TNNT2: variants seen among roughly 807,000 people sequenced by gnomAD.
TNNT2 encodes the protein troponin T2, cardiac type.
A neutral mutation model predicts 62.4 loss-of-function variants in TNNT2; 34 were observed. The observed-to-expected ratio is 0.54, with a 90% CI of 0.41 to 0.72. The LOEUF is 0.72. Ranked by LOEUF, TNNT2 falls within the 30% of genes least tolerant of loss-of-function variation. The pLI is 0.00. For missense variants in TNNT2, 275 were observed against 381.9 expected, an observed-to-expected ratio of 0.72 and a Z score of 2.33; for synonymous variants, 123 against 127.2, an observed-to-expected ratio of 0.97 and a Z score of 0.22.
intron 6 of TNNT2, 140 bp from the exon 7 acceptor site, chr1:201,367,946 T>A: frequency 1.8e-6 from 2 of 1,103,962 alleles, no homozygotes; most frequent in South Asian, 1.2e-5. Context: ...GAGCTGTCTC[T>A]CACACACACA....
intron 10 of TNNT2, 96 bp from the exon 11 acceptor site, chr1:201,364,471 G>A (rs1659307074): frequency 1.5e-6 from 2 of 1,309,986 alleles, no homozygotes; most frequent in East Asian, 4.9e-5. Flanking sequence ...GAATTCCTGG[G>A]GGAGGGTTCC....
chr1:201,371,904 G>T, intron 4 of TNNT2, 123 bp downstream of exon 4: 2 of 1,330,710 alleles, frequency 1.5e-6, no homozygotes, highest in Non-Finnish European at 2.1e-6. Flanking sequence ...CACTGTTGTT[G>T]GAGGATCTTG....
chr1:201,369,871 G>A (rs367841210), intron 4 of TNNT2, 26 bp from the exon 5 acceptor site: 41 of 1,614,000 alleles, frequency 2.5e-5, no homozygotes, highest in Middle Eastern at 3.3e-4. Context: ...TGGCCGCAGC[G>A]GAGGGGAAAA....
At chr1:201,362,841 T>A (rs1658936641) in intron 12 of TNNT2, among the ~76,000 whole-genome samples, 1 of 152,142 alleles carries the variant, frequency 6.6e-6, no homozygotes, top group Admixed American at 6.5e-5. Flanking sequence ...ATAGACACTT[T>A]CCATGGTAGC....
At chr1:201,359,741 G>A in intron 15 of TNNT2, 78 bp from the exon 16 acceptor site, 4 of 1,279,238 alleles carry the variant, frequency 3.1e-6, no homozygotes, top group Non-Finnish European at 4.5e-6. Context: ...GGGATGGGGA[G>A]AAGGGGGCTG....
At chr1:201,362,447 A>G in intron 12 of TNNT2, 53 bp from the exon 13 acceptor site, 7 of 1,592,196 alleles carry the variant, frequency 4.4e-6, no homozygotes, top group Non-Finnish European at 6.0e-6. Context: ...CAAGACGGCA[A>G]CAGAGACACA....
intron 5 of TNNT2, among the ~76,000 whole-genome samples, chr1:201,369,023 T>C (rs1410834031): frequency 6.6e-6 from 1 of 152,150 alleles, no homozygotes; most frequent in Admixed American, 6.5e-5. Context: ...AAATGATCCT[T>C]CTAGAAAGTG....
intron 1 of TNNT2, among the ~76,000 whole-genome samples, 190 bp downstream of exon 1, chr1:201,377,433 T>C (rs1168566676): frequency 1.3e-5 from 2 of 152,168 alleles, no homozygotes; most frequent in Non-Finnish European, 2.9e-5. Flanking sequence ...TCTTTCTCTC[T>C]GCTCTATTGT....
At chr1:201,368,082 G>A in intron 6 of TNNT2, 80 bp downstream of exon 6, 1 of 1,418,988 alleles carries the variant, frequency 7.0e-7, no homozygotes, top group Non-Finnish European at 1.0e-6. Flanking sequence ...CTGTTCTGGG[G>A]GGTTTCTTAC....
chr1:201,369,284 G>A lies in TNNT2; in HGVS notation c.97+532C>T, dbSNP rs1175179109. The A allele has an allele frequency of 1.5e-5, 7 of 472,242 alleles. No homozygotes were observed. In the East Asian group the frequency reaches 4.9e-4, roughly 33 times the overall value. 29.3% of individuals were successfully genotyped at this position (472,242 alleles called of 1,614,324 possible). On this transcript the variant is annotated intron_variant, in intron 5 of 16. Transcript: ENST00000656932. ...GCCCTGGTCTCACTCCCTTGCCTTG[G>A]TCCTGTGCTCCCCATCAGCAGGGCG...
intron 7 of TNNT2, 32 bp downstream of exon 7, chr1:201,367,739 C>A (rs778048648): frequency 1.2e-6 from 2 of 1,613,456 alleles, no homozygotes; most frequent in Non-Finnish European, 1.7e-6. Flanking sequence ...GGTTCCTTTG[C>A]CTCCCTTGTA....
chr1:201,365,434 G>A, intron 9 of TNNT2, 127 bp from the exon 10 acceptor site: 1 of 1,192,034 alleles, frequency 8.4e-7, no homozygotes, highest in South Asian at 1.2e-5. Flanking sequence ...GGCCAGGGAA[G>A]GGGTAACTGT....
At chr1:201,359,580 G>C in intron 16 of TNNT2, 43 bp downstream of exon 16, 2 of 1,572,928 alleles carry the variant, frequency 1.3e-6, no homozygotes, top group Non-Finnish European at 8.7e-7. Context: ...AGGGAAGGAG[G>C]GGGCAGGGGG....
rs752581851 is a variant in TNNT2 at position 201,361,878 on chromosome 1, G to A, written c.719+35C>T. The A allele has an allele frequency of 1.9e-6, 3 of 1,592,530 alleles. No individual in the cohort carries two copies. The African/African-American group carries it at 4.0e-5, about 21-fold the overall frequency. Reference sequence around the variant, plus strand: ...CCCGACCCCTCCCAGAGCAGATGCGGGCAGTGCCCCAGGACCATTCCTCCC... The same window carrying A: ...CCCGACCCCTCCCAGAGCAGATGCGAGCAGTGCCCCAGGACCATTCCTCCC... On this transcript the variant is annotated intron_variant, in intron 14 of 16. Transcript: ENST00000656932.
At chr1:201,363,610 G>C (rs1254931968) in intron 11 of TNNT2, 3 of 580,944 alleles carry the variant, frequency 5.2e-6, no homozygotes, top group Admixed American at 5.6e-5. Context: ...ATGAGGTCCT[G>C]ATTCCCAAAT....
chr1:201,372,823 G>A (rs558271957), intron 2 of TNNT2, among the ~76,000 whole-genome samples: 2 of 152,190 alleles, frequency 1.3e-5, no homozygotes, highest in Admixed American at 6.5e-5. Flanking sequence ...CCAAGACAGG[G>A]TGATAACACT....
At chr1:201,375,411 T>C (rs1296081010) in intron 1 of TNNT2, 2 of 152,166 alleles carry the variant, frequency 1.3e-5, no homozygotes, top group African/African-American at 4.8e-5. Flanking sequence ...GAGCCTTGTT[T>C]ACAAGGAGCT....
chr1:201,367,446 C>T (rs961873614), intron 7 of TNNT2: 1 of 516,212 alleles, frequency 1.9e-6, no homozygotes, highest in Non-Finnish European at 3.5e-6. Context: ...ACGGACACCA[C>T]ATCCTACAAG....
chr1:201,373,341 T>C, intron 1 of TNNT2, 73 bp from the exon 2 acceptor site: 2 of 1,352,824 alleles, frequency 1.5e-6, no homozygotes, highest in South Asian at 1.2e-5. Flanking sequence ...CTGGCCCCCG[T>C]TGTACAGAGA....
Sources: gnomAD v4.1 joint callset for allele counts (sites outside exome capture counted in the v4.1 genomes callset) on GRCh38, gnomAD v4.1.1 for gene constraint, MANE v1.5 for transcripts, NCBI Gene and HGNC (gene_info 2026-07-23, HGNC 2026-07-21) for gene names.